SP100: variants seen among roughly 807,000 people sequenced by gnomAD.
SP100 encodes the protein SP100 nuclear body protein.
SP100 carries 84 observed loss-of-function variants against 130.0 expected under a neutral mutation model. The ratio of observed to expected loss-of-function variants is 0.65; its 90% CI spans 0.54 to 0.77. The LOEUF (loss-of-function observed/expected upper bound fraction) is 0.77. Ranked by LOEUF, SP100 falls within the 30% of genes least tolerant of loss-of-function variation. The pLI, the probability that SP100 is intolerant of heterozygous loss-of-function variation, is 0.00. For missense variants in SP100, 978 were observed against 1,052.2 expected (o/e 0.93, Z 0.97); for synonymous variants, 331 against 351.7 (o/e 0.94, Z 0.66).
At chr2:230,430,125 A>C (rs868017547) in intron 2 of SP100, among the ~76,000 whole-genome samples, 4 of 152,180 alleles carry the variant, frequency 2.6e-5, no homozygotes, top group Admixed American at 6.5e-5. Context: ...AAAGCCCTTC[A>C]CTAGTCAGTC....
At chr2:230,533,917 A>G (rs1293766629) in intron 24 of SP100, among the ~76,000 whole-genome samples, 7 of 152,362 alleles carry the variant, frequency 4.6e-5, no homozygotes, top group Non-Finnish European at 8.8e-5. Flanking sequence ...TACTTTTAAT[A>G]TTAGTAATAC....
At position 230,541,823 on chromosome 2, in the gene SP100, C is replaced by T. The variant is rs1692192054; in HGVS notation, c.2404-69C>T. 8.5e-6 allele frequency: 13 copies of T among 1,535,128 alleles called. No individual in the cohort carries two copies. In the South Asian group the frequency reaches 1.6e-4, roughly 19 times the overall value. Reference sequence around the variant, plus strand: ...TATGGATTGGGGGAACTCCACAAACCTTTATTCCATAATAGTGGGAGTCTA... The same window carrying T: ...TATGGATTGGGGGAACTCCACAAACTTTTATTCCATAATAGTGGGAGTCTA... On this transcript the variant is annotated intron_variant, in intron 27 of 28. Coordinates refer to ENST00000340126, the MANE Select transcript of SP100 (RefSeq NM_001080391.2).
At chr2:230,486,538 G>A (rs1355151089) in intron 17 of SP100, among the ~76,000 whole-genome samples, 2 of 152,166 alleles carry the variant, frequency 1.3e-5, no homozygotes, top group African/African-American at 4.8e-5. Flanking sequence ...GTAGTCCATG[G>A]TGTAGATGTA....
At chr2:230,446,764 A>T in intron 4 of SP100, 55 bp from the exon 5 acceptor site, 1 of 1,128,350 alleles carries the variant, frequency 8.9e-7, no homozygotes. Flanking sequence ...ATTTCCAGAC[A>T]TTGTCCCTGG....
intron 24 of SP100, among the ~76,000 whole-genome samples, chr2:230,537,196 C>G (rs911439308): frequency 6.6e-6 from 1 of 152,162 alleles, no homozygotes; most frequent in Non-Finnish European, 1.5e-5. Flanking sequence ...GAAGTTGAGG[C>G]TGCAGTGAGC....
In SP100 at chr2:230,534,503, A is replaced by T. The variant is rs189126480; in HGVS notation, c.2095-4764A>T. Among the ~76,000 whole-genome samples the T allele has an allele frequency of 3.9e-4, 60 of 152,370 alleles. 1 individual carries two copies. The South Asian group carries it at 0.011, about 27-fold the overall frequency. ...ATGTCTTAAAACTTTGATATTTGAC[A>T]GACTTTCCAAGAGTAAAAATTTCAA... On this transcript the variant is annotated intron_variant, in intron 24 of 28. Coordinates refer to ENST00000340126, the MANE Select transcript of SP100 (RefSeq NM_001080391.2).
intron 5 of SP100, 52 bp downstream of exon 5, chr2:230,446,954 G>A (rs751065863): frequency 1.9e-6 from 2 of 1,057,120 alleles, no homozygotes; most frequent in Admixed American, 4.1e-5. Flanking sequence ...GGGATCCAAG[G>A]TTCTGAGTGG....
At chr2:230,422,996 G>A (rs560319760) in intron 2 of SP100, among the ~76,000 whole-genome samples, 2 of 152,168 alleles carry the variant, frequency 1.3e-5, no homozygotes, top group South Asian at 4.2e-4. Flanking sequence ...AATAACTGAG[G>A]GTGATTGAAA....
intron 17 of SP100, among the ~76,000 whole-genome samples, chr2:230,493,324 T>G (rs1243535597): frequency 6.6e-6 from 1 of 152,184 alleles, no homozygotes; most frequent in Admixed American, 6.5e-5. Context: ...TTCAAGTGAT[T>G]CTCCTGCCTC....
At chr2:230,435,677 C>A (rs1485069775) in intron 2 of SP100, among the ~76,000 whole-genome samples, 1 of 152,104 alleles carries the variant, frequency 6.6e-6, no homozygotes, top group Admixed American at 6.5e-5. Context: ...GGTGTTAAGA[C>A]AAGCATTCAC....
chr2:230,539,712 C>T (rs1401572106), intron 25 of SP100, among the ~76,000 whole-genome samples: 1 of 152,066 alleles, frequency 6.6e-6, no homozygotes, highest in Admixed American at 6.5e-5. Flanking sequence ...TTAAAGAGTA[C>T]ACCACCTGCT....
intron 2 of SP100, among the ~76,000 whole-genome samples, chr2:230,432,468 T>G (rs1274931705): frequency 6.6e-6 from 1 of 152,206 alleles, no homozygotes; most frequent in Non-Finnish European, 1.5e-5. Context: ...CTTACAGTGT[T>G]TCCGAAAGAC....
intron 4 of SP100, 55 bp downstream of exon 4, chr2:230,444,401 GTA>G (rs1462432865): frequency 7.2e-7 from 1 of 1,393,978 alleles, no homozygotes. Flanking sequence ...TTTTCAATAA[GTA>G]TATACTGATC....
At chr2:230,425,818 A>C (rs1376997076) in intron 2 of SP100, among the ~76,000 whole-genome samples, 1 of 150,530 alleles carries the variant, frequency 6.6e-6, no homozygotes, top group African/African-American at 2.4e-5. Context: ...TTTTTGGAAG[A>C]GTTTTAGAAG....
intron 24 of SP100, among the ~76,000 whole-genome samples, chr2:230,512,518 G>A (rs556058992): frequency 1.2e-4 from 18 of 151,634 alleles, no homozygotes; most frequent in Admixed American, 1.1e-3. Context: ...TTGAACTCCT[G>A]ACCTCGTGAT....
chr2:230,474,541 T>G, intron 17 of SP100, 94 bp downstream of exon 17: 1 of 691,254 alleles, frequency 1.4e-6, no homozygotes, highest in Non-Finnish European at 2.5e-6. Flanking sequence ...TTTTTCAACT[T>G]TTATTATAGA....
intron 24 of SP100, among the ~76,000 whole-genome samples, chr2:230,516,969 G>A (rs911875085): frequency 3.9e-5 from 6 of 151,948 alleles, no homozygotes; most frequent in African/African-American, 7.3e-5. Flanking sequence ...TATTACTTTA[G>A]AAAAGACTTA....
intron 24 of SP100, chr2:230,537,550 GA>G (rs1237518501): frequency 6.6e-6 from 1 of 152,336 alleles, no homozygotes; most frequent in African/African-American, 2.4e-5. Context: ...TTCCAGCAAG[GA>G]AGTCCTCACC....
intron 10 of SP100, 176 bp downstream of exon 10, chr2:230,462,694 T>C: frequency 1.7e-6 from 1 of 593,582 alleles, no homozygotes. Context: ...AGACAAGAAA[T>C]TGTTATAAAC....
Sources: allele counts gnomAD v4.1 joint callset (sites outside exome capture counted in the v4.1 genomes callset), GRCh38; gene constraint gnomAD v4.1.1; transcripts MANE v1.5; gene names NCBI Gene and HGNC (gene_info 2026-07-23, HGNC 2026-07-21).